The following PAXBP1 variants were observed in gnomAD, a reference collection of about 807,000 sequenced individuals.
PAXBP1 encodes PAX3- and PAX7-binding protein 1.
A neutral mutation model predicts 119.9 loss-of-function variants in PAXBP1; 44 were observed. That is an observed-to-expected ratio of 0.37 (90% CI 0.29 to 0.47). The LOEUF is 0.47. Among genes scored for constraint, PAXBP1 ranks in the 20% least tolerant of loss-of-function variants. The probability of loss-of-function intolerance (pLI) is 0.99; values close to 1 mark genes in which losing one functional copy is unlikely to be tolerated. For synonymous variants in PAXBP1, 393 were observed against 406.6 expected (o/e 0.97, Z 0.40); for missense variants, 898 against 1,134.1 (o/e 0.79, Z 2.99).
intron 10 of PAXBP1, among the ~76,000 whole-genome samples, chr21:32,749,196 ATTT>A (rs879356998): frequency 1.4e-5 from 2 of 142,866 alleles, no homozygotes; most frequent in Non-Finnish European, 3.1e-5. Flanking sequence ...TGCGAATAAG[ATTT>A]TTTTTTTTTT....
intron 7 of PAXBP1, among the ~76,000 whole-genome samples, chr21:32,758,791 A>G (rs924246289): frequency 3.3e-5 from 5 of 152,194 alleles, no homozygotes; most frequent in Middle Eastern, 3.2e-3. Flanking sequence ...CTAAGAATTC[A>G]GCACAGGCCA....
chr21:32,743,388 G>C, intron 14 of PAXBP1, 74 bp from the exon 15 acceptor site: 1 of 1,015,388 alleles, frequency 9.8e-7, no homozygotes, highest in South Asian at 1.8e-5. Flanking sequence ...CTGGACAAAA[G>C]ATTTTTCTAC....
Position 32,761,386 on chromosome 21 carries a change from A to T in PAXBP1, c.872-224T>A, listed in dbSNP as rs138365515. 6.6e-5 allele frequency among the ~76,000 whole-genome samples: 10 copies of T among 152,350 alleles called. No individual in the cohort carries two copies. In the East Asian group the frequency reaches 1.9e-3, roughly 29 times the overall value. On this transcript the variant is annotated intron_variant, in intron 4 of 17. Coordinates refer to ENST00000331923, the MANE Select transcript of PAXBP1 (RefSeq NM_016631.4). ...ATTAATGTAATAGTTAAAATCTTGG[A>T]TGTGTTTCTTAATCTCTGTAAACTT... is the stretch of plus-strand genomic sequence containing the variant.
chr21:32,759,514 CT>C (rs1268587828), intron 6 of PAXBP1: 17 of 595,876 alleles, frequency 2.9e-5, no homozygotes, highest in Non-Finnish European at 4.6e-5. Flanking sequence ...CGTGACTACA[CT>C]TTTTCAGAGT....
chr21:32,744,286 AAAG>A (rs2043838388), intron 13 of PAXBP1, among the ~76,000 whole-genome samples: 1 of 149,704 alleles, frequency 6.7e-6, no homozygotes, highest in Non-Finnish European at 1.5e-5. Context: ...AGAAAAAAAA[AAAG>A]GAGGGGGGCG....
rs141063645 is a variant in PAXBP1 at position 32,752,315 on chromosome 21, T to G, written c.1508-1097A>C. Among the ~76,000 whole-genome samples the G allele has an allele frequency of 2.5e-3, 384 of 152,194 alleles. 1 individual carries two copies. The highest frequency in any genetic ancestry group is 8.0e-3 in the African/African-American group (331 of 41,522). The stretch of plus-strand genomic sequence containing the variant: ...CCTACTCTCTTTAATCAAAAAAGAC[T>G]CCCCTAATCTCTTGCCTAGGTAAAA... On this transcript the variant is annotated intron_variant, in intron 8 of 17. Transcript: ENST00000331923.
intron 2 of PAXBP1, 82 bp from the exon 3 acceptor site, chr21:32,764,606 A>T (rs896799147): frequency 4.7e-5 from 54 of 1,148,558 alleles, no homozygotes; most frequent in Non-Finnish European, 5.5e-5. Flanking sequence ...TGACATCATT[A>T]AAAATTTTTT....
intron 11 of PAXBP1, 42 bp from the exon 12 acceptor site, chr21:32,745,760 G>A (rs1416029435): frequency 1.2e-6 from 2 of 1,605,860 alleles, no homozygotes; most frequent in Non-Finnish European, 8.5e-7. Flanking sequence ...TAAAATAGTG[G>A]CTATTTCTGC....
rs1601577288 is a variant in PAXBP1 at position 32,734,527 on chromosome 21, G to C, written c.*423C>G. The C allele has an allele frequency of 5.1e-6, 1 of 194,702 alleles. No individual in the cohort carries two copies. The highest frequency in any genetic ancestry group is 5.9e-5 in the Admixed American group (1 of 16,988). 12.1% of individuals were successfully genotyped at this position (194,702 alleles called of 1,614,324 possible). A position where few individuals can be genotyped will look rare whatever the true frequency, so the allele number is the denominator to read the frequency against. On this transcript the variant is annotated 3_prime_UTR_variant, in exon 18 of 18. Transcript: ENST00000331923. ...TACAACAGTGTAGTAATTTCCCTAA[G>C]ACAATTTGCTACCGGATAATTTTCT...
intron 6 of PAXBP1, 181 bp from the exon 7 acceptor site, chr21:32,759,450 T>A (rs1412463964): frequency 1.4e-6 from 1 of 728,402 alleles, no homozygotes; most frequent in African/African-American, 1.8e-5. Flanking sequence ...GTTTACAGAT[T>A]TCACAGTTTT....
At position 32,737,336 on chromosome 21, in the gene PAXBP1, A is replaced by G. The variant is rs1442212286; in HGVS notation, c.2554T>C (p.Phe852Leu). The G allele has an allele frequency of 6.2e-7, 1 of 1,610,082 alleles. No homozygotes were observed. Among genetic ancestry groups the G allele is most frequent in the East Asian group, 2.2e-5 (1 of 44,686 alleles). ...GERTISQLEN[F>L]CRYLVHLADT... ...GCTAAGTGTACAAGGTATCGGCAAA[A>G]GTTTTCTAACTGAGAAATAGTCCTT... Residue 852 changes from phenylalanine (F) to leucine (L), a missense_variant, in exon 17 of 18, where the codon TTT becomes CTT. Phe to Leu is a conservative substitution (Grantham distance 22, BLOSUM62 0). This residue lies in a region of PAXBP1 where 599 missense variants were observed against 852.7 expected (regional missense o/e 0.70). Coordinates refer to ENST00000331923, the MANE Select transcript of PAXBP1 (RefSeq NM_016631.4).
At position 32,734,864 on chromosome 21, in the gene PAXBP1, T is replaced by C; in HGVS notation, c.*86A>G. The C allele has an allele frequency of 1.1e-6, 1 of 942,138 alleles. No homozygotes were observed. Among genetic ancestry groups the C allele is most frequent in the Middle Eastern group, 2.9e-4 (1 of 3,428 alleles). 58.4% of individuals were successfully genotyped at this position (942,138 alleles called of 1,614,324 possible). On this transcript the variant is annotated 3_prime_UTR_variant, in exon 18 of 18. Transcript: ENST00000331923. ...TTTGTATTAAAACAAGAATTGCTAT[T>C]TTACAGTTTAAGAAACTTTACATAT... is the stretch of plus-strand genomic sequence containing the variant.
chr21:32,762,325 C>T lies in PAXBP1; in HGVS notation c.650-8G>A, dbSNP rs748302739. 5 of 1,611,206 alleles carry T rather than the reference C, an allele frequency of 3.1e-6. No individual in the cohort carries two copies. The Middle Eastern group carries it at 8.3e-4, about 266-fold the overall frequency. Reference sequence around the variant, plus strand: ...CTGCATCTGGAATTTCTCCTAGAAACAAATGGTAAGAATATGGCAGTATGA... The same window carrying T: ...CTGCATCTGGAATTTCTCCTAGAAATAAATGGTAAGAATATGGCAGTATGA... On this transcript the variant is annotated splice_polypyrimidine_tract_variant and splice_region_variant and intron_variant, in intron 3 of 17. Coordinates refer to ENST00000331923, the MANE Select transcript of PAXBP1 (RefSeq NM_016631.4).
At chr21:32,771,218 C>G (rs2044337244) in intron 1 of PAXBP1, 108 bp downstream of exon 1, 1 of 1,083,648 alleles carries the variant, frequency 9.2e-7, no homozygotes. Flanking sequence ...CGGCAGGGGA[C>G]TCCGTTCCAG....
At position 32,771,524 on chromosome 21, in the gene PAXBP1, T is replaced by G; in HGVS notation, c.145A>C (p.Arg49=). 8.9e-6 allele frequency: 12 copies of G among 1,341,996 alleles called. No individual in the cohort carries two copies. The highest frequency in any genetic ancestry group is 1.1e-5 in the Non-Finnish European group (12 of 1,052,726). 83.1% of individuals were successfully genotyped at this position (1,341,996 alleles called of 1,614,324 possible). A position where few individuals can be genotyped will look rare whatever the true frequency, so the allele number is the denominator to read the frequency against. ...GEEAGPGGGD[R]APGGESLLGP... ...AGCAGCGACTCCCCGCCAGGGGCCC[T>G]GTCGCCGCCACCGGGGCCCGCCTCT... Residue 49 remains arginine, a synonymous_variant, in exon 1 of 18, where the codon AGG becomes CGG. Transcript: ENST00000331923.
chr21:32,738,448 A>C, intron 15 of PAXBP1, 129 bp from the exon 16 acceptor site: 1 of 711,032 alleles, frequency 1.4e-6, no homozygotes, highest in Non-Finnish European at 2.3e-6. Flanking sequence ...AAATATTAAT[A>C]CTTTCAAAGG....
chr21:32,743,742 C>T lies in PAXBP1; in HGVS notation c.2203G>A (p.Ala735Thr), dbSNP rs778129533. The T allele has an allele frequency of 2.5e-6, 4 of 1,586,424 alleles. No individual in the cohort carries two copies. The highest frequency in any genetic ancestry group is 2.6e-6 in the Non-Finnish European group (3 of 1,160,554). The change falls in exon 14 of 18, where the codon GCA becomes ACA. Residue 735 changes from alanine to threonine, a missense_variant. This residue lies in a region of PAXBP1 where 599 missense variants were observed against 852.7 expected (regional missense o/e 0.70). Transcript: ENST00000331923. ...GTTCTTCTCATTCTCAATAAAAGTGCCTTTAGGTATACCTAAAAAGTTAAA... is the reference window on the plus strand; with the variant it reads ...GTTCTTCTCATTCTCAATAAAAGTGTCTTTAGGTATACCTAAAAAGTTAAA... ...ENKNTQVYLK[A>T]LLLRMRRTLD...
At chr21:32,737,481 T>C in intron 16 of PAXBP1, 73 bp from the exon 17 acceptor site, 3 of 1,289,572 alleles carry the variant, frequency 2.3e-6, no homozygotes, top group Non-Finnish European at 3.2e-6. Context: ...AAAGTCTAGT[T>C]AATGGGTATA....
intron 5 of PAXBP1, among the ~76,000 whole-genome samples, 177 bp downstream of exon 5, chr21:32,760,880 CGT>C (rs1002332104): frequency 4.8e-5 from 7 of 144,820 alleles, no homozygotes; most frequent in African/African-American, 1.8e-4. Context: ...TAAAAGCCTA[CGT>C]GTCTCTGTGT....
Sources: gnomAD v4.1 joint callset for allele counts (sites outside exome capture counted in the v4.1 genomes callset) on GRCh38, gnomAD v4.1.1 for gene constraint, gnomAD v4.1.1 regional missense constraint, MANE v1.5 for transcripts, NCBI Gene and HGNC (gene_info 2026-07-23, HGNC 2026-07-21) for gene names.